Variants in PTPRN2 observed in about 807,000 individuals in gnomAD.
The protein encoded by PTPRN2 is protein tyrosine phosphatase receptor type N2.
PTPRN2 carries 74 observed loss-of-function variants against 118.8 expected under a neutral mutation model. The ratio of observed to expected loss-of-function variants is 0.62; its 90% CI spans 0.52 to 0.76. The LOEUF is 0.76. Ranked by LOEUF, PTPRN2 falls within the 30% of genes least tolerant of loss-of-function variation. The probability of loss-of-function intolerance (pLI) is 0.00; values close to 1 mark genes in which losing one functional copy is unlikely to be tolerated. For missense variants in PTPRN2, 1,481 were observed against 1,394.4 expected (o/e 1.06, Z -0.99); for synonymous variants, 641 against 608.0 (o/e 1.05, Z -0.80).
chr7:157,568,787 G>A lies in PTPRN2; in HGVS notation c.2902+115C>T, dbSNP rs574557784. On this transcript the variant is annotated intron_variant, in intron 21 of 22. Coordinates refer to ENST00000389418, the MANE Select transcript of PTPRN2 (RefSeq NM_002847.5). ...ACCACCTTCCTACGGCCCAGCAGAG[G>A]CACAACAAGCAGCGAATTTTTTCCA... 209 of 1,040,584 alleles carry A rather than the reference G, an allele frequency of 2.0e-4. No individual in the cohort carries two copies. In the African/African-American group the frequency reaches 3.1e-3, roughly 15 times the overall value. 64.5% of individuals were successfully genotyped at this position (1,040,584 alleles called of 1,614,324 possible).
At chr7:158,163,370 T>C (rs1460487569) in intron 6 of PTPRN2, among the ~76,000 whole-genome samples, 1 of 150,696 alleles carries the variant, frequency 6.6e-6, no homozygotes, top group African/African-American at 2.5e-5. Flanking sequence ...GGGTTCTCAA[T>C]ATTCTCTGCG....
chr7:157,994,083 C>A (rs1299507239), intron 11 of PTPRN2, among the ~76,000 whole-genome samples: 1 of 152,160 alleles, frequency 6.6e-6, no homozygotes, highest in Non-Finnish European at 1.5e-5. Flanking sequence ...TGCTTTGAAA[C>A]CCACAGAGAA....
intron 2 of PTPRN2, among the ~76,000 whole-genome samples, chr7:158,401,686 T>C (rs1586580273): frequency 6.6e-6 from 1 of 152,238 alleles, no homozygotes; most frequent in Non-Finnish European, 1.5e-5. Context: ...GTAAAATATC[T>C]TGATGATCTG....
chr7:157,547,084 G>C (rs539726567), intron 22 of PTPRN2, among the ~76,000 whole-genome samples: 2 of 152,338 alleles, frequency 1.3e-5, no homozygotes, highest in Non-Finnish European at 2.9e-5. Flanking sequence ...TGGAGGGAGA[G>C]GCTGCCTGAG....
rs1392002111 is a variant in PTPRN2, at chr7:157,790,018, G to C, written c.1789-107081C>G. ...GGTGTGTGTGGTGTTTGTGTGGTGT[G>C]AATGTGTGTGTGGTGGGGGTGTGTG... On this transcript the variant is annotated intron_variant, in intron 12 of 22. Transcript: ENST00000389418. Among the ~76,000 whole-genome samples the C allele has an allele frequency of 3.4e-3, 61 of 18,000 alleles. 3 individuals are homozygous for C. Among genetic ancestry groups the C allele is most frequent in the African/African-American group, 0.014 (58 of 4,212 alleles). 11.8% of individuals were successfully genotyped at this position (18,000 alleles called of 152,430 possible).
rs1329977937 is a variant in PTPRN2, at chr7:157,729,179, T to C, written c.1789-46242A>G. Among the ~76,000 whole-genome samples, 1 of 151,832 alleles carries C rather than the reference T, an allele frequency of 6.6e-6. No individual in the cohort carries two copies. Among genetic ancestry groups the C allele is most frequent in the Non-Finnish European group, 1.5e-5 (1 of 67,966 alleles). ...TGGACAGAATTCCTATTAAATACAA[T>C]ATAGAGTATTTCATTTTCTGCATCT... is the stretch of plus-strand genomic sequence containing the variant. On this transcript the variant is annotated intron_variant, in intron 12 of 22. Coordinates refer to ENST00000389418, the MANE Select transcript of PTPRN2 (RefSeq NM_002847.5). The surrounding 1 kb of genome is among the most constrained non-coding windows in gnomAD (Gnocchi z 4.3).
chr7:157,659,596 C>A (rs1183605642), intron 13 of PTPRN2, among the ~76,000 whole-genome samples: 1 of 151,736 alleles, frequency 6.6e-6, no homozygotes, highest in Non-Finnish European at 1.5e-5. Flanking sequence ...CCTTCTTTCC[C>A]ATACATCTTC....
At chr7:158,081,414 T>G in intron 10 of PTPRN2, 37 bp from the exon 11 acceptor site, 3 of 1,580,288 alleles carry the variant, frequency 1.9e-6, no homozygotes, top group Non-Finnish European at 2.6e-6. Flanking sequence ...CATAACGAAG[T>G]CTACGCGCCA....
intron 12 of PTPRN2, among the ~76,000 whole-genome samples, chr7:157,860,578 C>T (rs920352636): frequency 1.6e-4 from 24 of 152,248 alleles, no homozygotes; most frequent in Non-Finnish European, 2.9e-4. Context: ...GCTGTGTGAA[C>T]GCGTTTCCAC....
rs1371156048 is a variant in PTPRN2 at position 158,123,925 on chromosome 7, TTGACCTCAGATCCCGTGC to T, written c.1556+9734_1556+9751del. Among the ~76,000 whole-genome samples the T allele has an allele frequency of 3.2e-3, 490 of 151,848 alleles. 5 individuals carry two copies. Among genetic ancestry groups the T allele is most frequent in the African/African-American group, 0.011 (469 of 41,412 alleles). On this transcript the variant is annotated intron_variant, in intron 9 of 22. Coordinates refer to ENST00000389418, the MANE Select transcript of PTPRN2 (RefSeq NM_002847.5). ...GGCGGAACAGGCTCTCTAACCTGAT[TTGACCTCAGATCCCGTGC>T]CGACCCAGGCGGAGCTGGTTCTCTA...
At chr7:157,777,138 CA>C (rs2151043257) in intron 12 of PTPRN2, among the ~76,000 whole-genome samples, 1 of 152,208 alleles carries the variant, frequency 6.6e-6, no homozygotes, top group Admixed American at 6.5e-5. Context: ...CTCTTTTCAA[CA>C]CTTTTATCCT....
intron 11 of PTPRN2, among the ~76,000 whole-genome samples, chr7:158,073,573 T>G (rs1812107156): frequency 1.3e-5 from 2 of 152,194 alleles, no homozygotes; most frequent in South Asian, 4.1e-4. Flanking sequence ...ACCCTTTCTA[T>G]GCGGAGATGA....
In PTPRN2 at chr7:158,570,528, G is replaced by A. The variant is rs1029754240; in HGVS notation, c.112+17030C>T. Among the ~76,000 whole-genome samples, 1 of 152,060 alleles carries A rather than the reference G, an allele frequency of 6.6e-6. No homozygotes were observed. Among genetic ancestry groups the A allele is most frequent in the Non-Finnish European group, 1.5e-5 (1 of 68,008 alleles). On this transcript the variant is annotated intron_variant, in intron 1 of 22. Coordinates refer to ENST00000389418, the MANE Select transcript of PTPRN2 (RefSeq NM_002847.5). This position sits in a 1 kb window ranked among gnomAD's most constrained non-coding sequence, Gnocchi z 4.5. ...GACGCGTCTCCCCGTGGTGGGTCCC[G>A]ATCCCCCGGCCGGCTCTGCCACTGA...
intron 12 of PTPRN2, among the ~76,000 whole-genome samples, chr7:157,731,644 C>T (rs4716491): frequency 0.028 from 402 of 14,442 alleles, 15 homozygotes; most frequent in Middle Eastern, 0.071. Flanking sequence ...GCACAGTTAC[C>T]CTTTCCCGTC....
intron 11 of PTPRN2, among the ~76,000 whole-genome samples, chr7:158,042,502 T>A (rs376517185): frequency 6.6e-6 from 1 of 152,232 alleles, no homozygotes; most frequent in Non-Finnish European, 1.5e-5. Flanking sequence ...AGATGAGAGA[T>A]CCATGGAACT....
At chr7:157,675,784 C>T (rs545132949) in intron 13 of PTPRN2, among the ~76,000 whole-genome samples, 12 of 152,274 alleles carry the variant, frequency 7.9e-5, no homozygotes, top group Non-Finnish European at 8.8e-5. Context: ...TGCCCTCATC[C>T]GCATGGCGGC....
chr7:157,812,010 C>T (rs566072830), intron 12 of PTPRN2, among the ~76,000 whole-genome samples: 4 of 152,300 alleles, frequency 2.6e-5, no homozygotes, highest in South Asian at 4.1e-4. Flanking sequence ...AAAAAAGCCT[C>T]GCTCTGAGGA....
intron 2 of PTPRN2, among the ~76,000 whole-genome samples, chr7:158,340,992 C>T (rs1439672003): frequency 1.4e-5 from 1 of 73,062 alleles, no homozygotes; most frequent in Non-Finnish European, 3.0e-5. Flanking sequence ...CACACTCTCA[C>T]CATAAGAGGT....
At chr7:158,355,948 C>T (rs1362647833) in intron 2 of PTPRN2, among the ~76,000 whole-genome samples, 1 of 152,180 alleles carries the variant, frequency 6.6e-6, no homozygotes, top group South Asian at 2.1e-4. Flanking sequence ...GAATGTGGTT[C>T]CAGGCGCCAC....
Sources: allele counts gnomAD v4.1 joint callset (sites outside exome capture counted in the v4.1 genomes callset), GRCh38; gene constraint gnomAD v4.1.1; non-coding constraint Gnocchi (gnomAD v3.1); transcripts MANE v1.5; gene names NCBI Gene and HGNC (gene_info 2026-07-23, HGNC 2026-07-21).